Variants in DNAJC15 observed in about 807,000 individuals in gnomAD.
DNAJC15 encodes dnaJ homolog subfamily C member 15.
Under a neutral mutation model 22.4 loss-of-function variants are expected in DNAJC15, and 27 were observed. The ratio of observed to expected loss-of-function variants is 1.20; its 90% CI spans 0.89 to 1.66. The LOEUF (loss-of-function observed/expected upper bound fraction) is 1.66. DNAJC15 is among the 40% of genes most tolerant of loss of function. DNAJC15 has a pLI of 0.00. For missense variants in DNAJC15, 208 were observed against 187.1 expected, an observed-to-expected ratio of 1.11 and a Z score of -0.65; for synonymous variants, 79 against 63.2, an observed-to-expected ratio of 1.25 and a Z score of -1.19.
rs2040826641 is a variant in DNAJC15, at chr13:43,111,918, T to C, written c.*4670T>C. 1 of 152,232 alleles carries C rather than the reference T, an allele frequency of 6.6e-6. No homozygotes were observed. Among genetic ancestry groups the C allele is most frequent in the Non-Finnish European group, 1.5e-5 (1 of 68,040 alleles). The allele number at this position is 152,232 out of a possible 1,614,324, so 9.4% of individuals were successfully genotyped here. On this transcript the variant is annotated 3_prime_UTR_variant, in exon 6 of 6. Coordinates refer to ENST00000379221, the MANE Select transcript of DNAJC15 (RefSeq NM_013238.3). ...GAATTATGAGTCAAAATTTTATTTA[T>C]GGTGGCATTACACACATTAAGAGAT...
intron 1 of DNAJC15, among the ~76,000 whole-genome samples, chr13:43,041,090 AGGTGTC>A (rs1390843592): frequency 6.6e-6 from 1 of 152,148 alleles, no homozygotes; most frequent in Admixed American, 6.5e-5. Flanking sequence ...GACCCTTTAC[AGGTGTC>A]GGGCTGGGGG....
At chr13:43,034,585 G>A (rs1041396862) in intron 1 of DNAJC15, among the ~76,000 whole-genome samples, 2 of 151,088 alleles carry the variant, frequency 1.3e-5, no homozygotes, top group Non-Finnish European at 2.9e-5. Flanking sequence ...AAAGTGCTAG[G>A]ATTACAGGCG....
intron 5 of DNAJC15, among the ~76,000 whole-genome samples, chr13:43,095,797 G>A (rs2040736891): frequency 6.6e-6 from 1 of 152,096 alleles, no homozygotes; most frequent in Non-Finnish European, 1.5e-5. Flanking sequence ...ATAGAGAGGA[G>A]GGTCCAGAGT....
intron 1 of DNAJC15, among the ~76,000 whole-genome samples, chr13:43,045,886 T>C (rs1253354465): frequency 2.0e-5 from 3 of 152,186 alleles, no homozygotes; most frequent in Non-Finnish European, 2.9e-5. Flanking sequence ...CTGTTAAAAT[T>C]GTTTGTTGTC....
Position 43,108,151 on chromosome 13 carries a change from G to A in DNAJC15, c.*903G>A, listed in dbSNP as rs2040807238. ...TAAAAGTTCAAAGGAAGAAAAGAAT[G>A]TGTTAAACACTGCATGAGAGGAGGA... On this transcript the variant is annotated 3_prime_UTR_variant, in exon 6 of 6. Coordinates refer to ENST00000379221, the MANE Select transcript of DNAJC15 (RefSeq NM_013238.3). 1.3e-5 allele frequency: 2 copies of A among 152,480 alleles called. No homozygotes were observed. Among genetic ancestry groups the A allele is most frequent in the Admixed American group, 6.5e-5 (1 of 15,280 alleles). The allele number at this position is 152,480 out of a possible 1,614,324, so 9.4% of individuals were successfully genotyped here.
In DNAJC15 at chr13:43,066,231, T is replaced by G. The variant is rs190876103; in HGVS notation, c.160+494T>G. Among the ~76,000 whole-genome samples, 72 of 151,630 alleles carry G rather than the reference T, an allele frequency of 4.7e-4. 1 individual carries two copies. Among genetic ancestry groups the G allele is most frequent in the African/African-American group, 1.5e-3 (62 of 41,446 alleles). The stretch of plus-strand genomic sequence containing the variant: ...AATTTTTTTCACTGCTAAAATTACG[T>G]TTTTCGAAAGAATAGTTCTTTTTTT... On this transcript the variant is annotated intron_variant, in intron 2 of 5. Transcript: ENST00000379221.
chr13:43,067,523 AT>A (rs1374507425), intron 2 of DNAJC15, among the ~76,000 whole-genome samples: 1 of 152,118 alleles, frequency 6.6e-6, no homozygotes, highest in Non-Finnish European at 1.5e-5. Flanking sequence ...ATAAAGATGT[AT>A]TTTTTCCAGG....
At chr13:43,033,960 G>A (rs750764696) in intron 1 of DNAJC15, among the ~76,000 whole-genome samples, 14 of 150,818 alleles carry the variant, frequency 9.3e-5, no homozygotes, top group Non-Finnish European at 1.5e-4. Flanking sequence ...CCTGGGAGGC[G>A]GAGGTTGCAG....
chr13:43,088,615 A>G (rs1393331734), intron 5 of DNAJC15, among the ~76,000 whole-genome samples: 1 of 152,216 alleles, frequency 6.6e-6, no homozygotes, highest in Non-Finnish European at 1.5e-5. Flanking sequence ...TCAAAATTAA[A>G]TATTGGGATC....
chr13:43,049,294 A>G (rs17064072), intron 1 of DNAJC15, among the ~76,000 whole-genome samples: 2,675 of 152,264 alleles, frequency 0.018, 98 homozygotes, highest in East Asian at 0.13. Flanking sequence ...TGTTACTGGC[A>G]GTTTAGTTTT....
chr13:43,103,608 A>G (rs1019639687), intron 5 of DNAJC15, among the ~76,000 whole-genome samples: 2 of 152,218 alleles, frequency 1.3e-5, no homozygotes, highest in South Asian at 2.1e-4. Context: ...TTAAAAGAAG[A>G]TATGTTCTGC....
chr13:43,101,322 C>T (rs1014321814), intron 5 of DNAJC15, among the ~76,000 whole-genome samples: 2 of 152,174 alleles, frequency 1.3e-5, no homozygotes, highest in Non-Finnish European at 2.9e-5. Flanking sequence ...AGCCACTGTA[C>T]CTGGCTGGGT....
intron 5 of DNAJC15, among the ~76,000 whole-genome samples, chr13:43,100,616 A>G (rs904290552): frequency 2.6e-5 from 4 of 152,056 alleles, no homozygotes; most frequent in East Asian, 1.9e-4. Context: ...AATACATTCT[A>G]TTATTGTCGG....
chr13:43,064,800 G>A (rs1297606174), intron 1 of DNAJC15, among the ~76,000 whole-genome samples: 1 of 152,140 alleles, frequency 6.6e-6, no homozygotes, highest in Non-Finnish European at 1.5e-5. Context: ...CAGCAGGAAG[G>A]AGAAATGGAG....
chr13:43,038,397 C>T (rs146988262), intron 1 of DNAJC15, among the ~76,000 whole-genome samples: 1 of 152,294 alleles, frequency 6.6e-6, no homozygotes, highest in East Asian at 1.9e-4. Context: ...CAGATTGTCA[C>T]ATGGCCCCAT....
At chr13:43,060,050 G>T (rs553269750) in intron 1 of DNAJC15, among the ~76,000 whole-genome samples, 1 of 152,306 alleles carries the variant, frequency 6.6e-6, no homozygotes, top group South Asian at 2.1e-4. Context: ...GGATGTATAC[G>T]TGCAGGTCAC....
At chr13:43,092,746 C>T (rs2040721323) in intron 5 of DNAJC15, among the ~76,000 whole-genome samples, 2 of 152,016 alleles carry the variant, frequency 1.3e-5, no homozygotes, top group African/African-American at 4.8e-5. Flanking sequence ...ACCCTTTCTC[C>T]AGTAAAAATT....
chr13:43,034,417 G>A (rs895972046), intron 1 of DNAJC15, among the ~76,000 whole-genome samples: 12 of 140,014 alleles, frequency 8.6e-5, no homozygotes, highest in Admixed American at 4.7e-4. Context: ...CCGGGTTCAC[G>A]CCATTCTCCC....
At chr13:43,057,416 A>G (rs989377100) in intron 1 of DNAJC15, among the ~76,000 whole-genome samples, 8 of 151,878 alleles carry the variant, frequency 5.3e-5, no homozygotes, top group African/African-American at 1.9e-4. Context: ...TGTATTTTGC[A>G]TTTCCTAAGT....
Sources: allele counts gnomAD v4.1 joint callset (sites outside exome capture counted in the v4.1 genomes callset), GRCh38; gene constraint gnomAD v4.1.1; transcripts MANE v1.5; gene names NCBI Gene and HGNC (gene_info 2026-07-23, HGNC 2026-07-21).